The following PPP1R12B variants were observed in gnomAD, a reference collection of about 807,000 sequenced individuals.
PPP1R12B encodes the protein myosin phosphatase target subunit 2.
A neutral mutation model predicts 126.1 loss-of-function variants in PPP1R12B; 76 were observed. That is an observed-to-expected ratio of 0.60 (90% confidence interval 0.50 to 0.73). The LOEUF is 0.73. PPP1R12B is among the 30% of genes least tolerant of loss of function. PPP1R12B has a pLI of 0.00. For synonymous variants in PPP1R12B, 356 were observed against 434.7 expected (o/e 0.82, Z 2.25); for missense variants, 1,052 against 1,205.1 (o/e 0.87, Z 1.88).
intron 18 of PPP1R12B, among the ~76,000 whole-genome samples, chr1:202,550,790 C>T (rs562782905): frequency 2.0e-5 from 3 of 152,150 alleles, no homozygotes; most frequent in African/African-American, 4.8e-5. Flanking sequence ...GAAAATATGC[C>T]GGAGGCTGCA....
intron 13 of PPP1R12B, among the ~76,000 whole-genome samples, chr1:202,483,879 GTCT>G (rs1264078983): frequency 2.0e-5 from 3 of 151,992 alleles, no homozygotes; most frequent in Non-Finnish European, 2.9e-5. Flanking sequence ...GACCTTCTTT[GTCT>G]TCTTTTACAG....
chr1:202,442,612 C>G (rs745380982), intron 12 of PPP1R12B, 40 bp downstream of exon 12: 9 of 1,571,994 alleles, frequency 5.7e-6, no homozygotes, highest in Non-Finnish European at 4.3e-6. Context: ...TTCTTTCACT[C>G]TAGCCATGGG....
At chr1:202,439,023 ACTACCAG>A in intron 10 of PPP1R12B, 1 of 1,382,204 alleles carries the variant, frequency 7.2e-7, no homozygotes, top group East Asian at 2.3e-5. Flanking sequence ...GGCAGTGCCC[ACTACCAG>A]TGGGCGGACT....
chr1:202,364,089 G>A (rs1261930130), intron 1 of PPP1R12B, among the ~76,000 whole-genome samples: 1 of 151,980 alleles, frequency 6.6e-6, no homozygotes, highest in African/African-American at 2.4e-5. Flanking sequence ...AGAAATATGA[G>A]GCCTAGAAAA....
chr1:202,459,737 A>C (rs1674079913), intron 13 of PPP1R12B, among the ~76,000 whole-genome samples: 2 of 152,288 alleles, frequency 1.3e-5, no homozygotes, highest in African/African-American at 4.8e-5. Flanking sequence ...GAATTTACTG[A>C]CCATTTCTTC....
intron 18 of PPP1R12B, among the ~76,000 whole-genome samples, chr1:202,540,827 A>G (rs961074473): frequency 1.3e-5 from 2 of 152,230 alleles, no homozygotes; most frequent in Admixed American, 1.3e-4. Flanking sequence ...TTAATCACCA[A>G]GTACCTTCAG....
intron 18 of PPP1R12B, among the ~76,000 whole-genome samples, chr1:202,553,851 T>C (rs1686595214): frequency 6.6e-6 from 1 of 152,142 alleles, no homozygotes; most frequent in East Asian, 1.9e-4. Context: ...ACTTCCTGGC[T>C]CACTGTTCCC....
chr1:202,365,422 C>G (rs1273745614), intron 1 of PPP1R12B, among the ~76,000 whole-genome samples: 1 of 151,224 alleles, frequency 6.6e-6, no homozygotes, highest in Non-Finnish European at 1.5e-5. Flanking sequence ...CAGAGTGAGA[C>G]AGTCTCTAAA....
chr1:202,494,626 A>G (rs1679304489), intron 15 of PPP1R12B, among the ~76,000 whole-genome samples: 4 of 151,410 alleles, frequency 2.6e-5, no homozygotes, highest in Admixed American at 2.6e-4. Flanking sequence ...GAATTGCTTG[A>G]ACCCAGGAGG....
intron 18 of PPP1R12B, among the ~76,000 whole-genome samples, chr1:202,553,498 G>C (rs959251386): frequency 1.3e-5 from 2 of 152,154 alleles, no homozygotes; most frequent in Admixed American, 1.3e-4. Context: ...CTACCAATTG[G>C]AGAAAAGATT....
chr1:202,504,953 A>C (rs562431861), intron 18 of PPP1R12B, among the ~76,000 whole-genome samples: 3 of 152,350 alleles, frequency 2.0e-5, no homozygotes, highest in African/African-American at 7.2e-5. Context: ...ACAAGTTCCT[A>C]CATCTGGATG....
At chr1:202,409,205 A>G (rs1336578655) in intron 1 of PPP1R12B, among the ~76,000 whole-genome samples, 8 of 152,182 alleles carry the variant, frequency 5.3e-5, no homozygotes, top group Non-Finnish European at 4.4e-5. Flanking sequence ...TTTTGAATAG[A>G]AAATAGAAAT....
intron 1 of PPP1R12B, among the ~76,000 whole-genome samples, chr1:202,403,601 A>G (rs1380331592): frequency 6.6e-6 from 1 of 152,256 alleles, no homozygotes; most frequent in African/African-American, 2.4e-5. Flanking sequence ...GCTGTGGGGC[A>G]GGGAACAGCT....
chr1:202,359,936 T>C (rs1046893029), intron 1 of PPP1R12B, among the ~76,000 whole-genome samples: 1 of 152,206 alleles, frequency 6.6e-6, no homozygotes, highest in African/African-American at 2.4e-5. Context: ...GTTTTAACAG[T>C]TGGTTTATTC....
At chr1:202,422,815 CA>C (rs1668979891) in intron 3 of PPP1R12B, 77 bp downstream of exon 3, 1 of 1,587,652 alleles carries the variant, frequency 6.3e-7, no homozygotes, top group African/African-American at 1.3e-5. Flanking sequence ...ATTTGCTGTG[CA>C]GAGCATTTCA....
chr1:202,565,493 G>A lies in PPP1R12B; in HGVS notation c.2757+946G>A, dbSNP rs866577627. On this transcript the variant is annotated intron_variant, in intron 21 of 23. Transcript: ENST00000608999. This position sits in a 1 kb window ranked among gnomAD's most constrained non-coding sequence, Gnocchi z 4.3. ...TACATGGAGTTTGGAGGGCAGGGGTGTTGATTACCCTCTAAACATCCTATT... is the reference window on the plus strand; with the variant it reads ...TACATGGAGTTTGGAGGGCAGGGGTATTGATTACCCTCTAAACATCCTATT... Among the ~76,000 whole-genome samples the A allele has an allele frequency of 1.1e-4, 17 of 152,136 alleles. No homozygotes were observed. Among genetic ancestry groups the A allele is most frequent in the African/African-American group, 3.9e-4 (16 of 41,436 alleles).
chr1:202,371,001 CTTT>C (rs774584500), intron 1 of PPP1R12B, among the ~76,000 whole-genome samples: 1 of 109,122 alleles, frequency 9.2e-6, no homozygotes, highest in African/African-American at 3.3e-5. Flanking sequence ...TGCTCCACAT[CTTT>C]TTTTTTTTTT....
rs1572025240 is a variant in PPP1R12B at position 202,438,888 on chromosome 1, C to A, written c.1458+864C>A. Reference sequence around the variant, plus strand: ...CTGCTATAGCCCCCAGGGCAGGAGCCCATACATCCACCGCACGCGGCCCTG... The same window carrying A: ...CTGCTATAGCCCCCAGGGCAGGAGCACATACATCCACCGCACGCGGCCCTG... On this transcript the variant is annotated intron_variant, in intron 10 of 23. Coordinates refer to ENST00000608999, the MANE Select transcript of PPP1R12B (RefSeq NM_002481.4). 4 of 1,439,032 alleles carry A rather than the reference C, an allele frequency of 2.8e-6. No homozygotes were observed. The East Asian group carries it at 9.2e-5, about 33-fold the overall frequency. 89.1% of individuals were successfully genotyped at this position (1,439,032 alleles called of 1,614,324 possible).
At chr1:202,555,325 GAAAAAA>G (rs56752885) in intron 18 of PPP1R12B, among the ~76,000 whole-genome samples, 10 of 25,342 alleles carry the variant, frequency 3.9e-4, no homozygotes, top group African/African-American at 4.8e-4. Flanking sequence ...CTGTTTTAAT[GAAAAAA>G]AAAAAAAAAA....
Sources: gnomAD v4.1 joint callset for allele counts (sites outside exome capture counted in the v4.1 genomes callset) on GRCh38, gnomAD v4.1.1 for gene constraint, Gnocchi (gnomAD v3.1) non-coding constraint, MANE v1.5 for transcripts, NCBI Gene and HGNC (gene_info 2026-07-23, HGNC 2026-07-21) for gene names.